The following ACER3 variants were observed in gnomAD, a reference collection of about 807,000 sequenced individuals.
ACER3 encodes alkaline ceramidase 3.
Under a neutral mutation model 48.9 loss-of-function variants are expected in ACER3, and 16 were observed. The observed-to-expected ratio is 0.33, with a 90% confidence interval of 0.22 to 0.50. ACER3 has a LOEUF of 0.50. ACER3 is among the 20% of genes least tolerant of loss of function. The probability of loss-of-function intolerance (pLI) is 0.98; values close to 1 mark genes in which losing one functional copy is unlikely to be tolerated. For missense variants in ACER3, 227 were observed against 326.0 expected (o/e 0.70, Z 2.34); for synonymous variants, 109 against 107.8 (o/e 1.01, Z -0.07).
chr11:77,011,468 G>A, intron 7 of ACER3: 3 of 777,834 alleles, frequency 3.9e-6, no homozygotes, highest in Non-Finnish European at 4.7e-6. Context: ...ACTGCCAGAA[G>A]CCTTCACTGT....
chr11:76,947,000 C>T (rs548634994), intron 2 of ACER3, among the ~76,000 whole-genome samples: 2 of 152,340 alleles, frequency 1.3e-5, no homozygotes, highest in East Asian at 1.9e-4. Context: ...GGCTTTCAGT[C>T]AGTCCCTGGC....
At chr11:76,879,555 A>G (rs572174306) in intron 1 of ACER3, among the ~76,000 whole-genome samples, 23 of 152,320 alleles carry the variant, frequency 1.5e-4, no homozygotes, top group Non-Finnish European at 2.4e-4. Flanking sequence ...ATTATTAGGT[A>G]TAATGTTAGC....
intron 1 of ACER3, among the ~76,000 whole-genome samples, chr11:76,883,130 C>G (rs947478618): frequency 2.0e-5 from 3 of 152,182 alleles, no homozygotes; most frequent in African/African-American, 7.2e-5. Context: ...GTACAGCTCC[C>G]CTTCTTGAAA....
chr11:76,868,491 A>G (rs1456560757), intron 1 of ACER3, among the ~76,000 whole-genome samples: 2 of 148,762 alleles, frequency 1.3e-5, no homozygotes, highest in Non-Finnish European at 3.0e-5. Flanking sequence ...TTTTATTATA[A>G]TGTTGGGGCA....
intron 2 of ACER3, among the ~76,000 whole-genome samples, chr11:76,950,712 C>T (rs1158934954): frequency 1.3e-5 from 2 of 151,912 alleles, no homozygotes; most frequent in East Asian, 1.9e-4. Context: ...AAGCAATCCC[C>T]GTCTTGGCCT....
chr11:76,983,450 C>G (rs7113778), intron 4 of ACER3, among the ~76,000 whole-genome samples: 108,038 of 151,926 alleles, frequency 0.71, 38,809 homozygotes, highest in Non-Finnish European at 0.77. Context: ...CAAGTAGCTG[C>G]GACTACAAGT....
intron 7 of ACER3, among the ~76,000 whole-genome samples, chr11:77,001,784 C>T (rs1199718436): frequency 2.0e-5 from 3 of 152,088 alleles, no homozygotes; most frequent in East Asian, 1.9e-4. Context: ...TTTTTATAGA[C>T]GTTCTTTATT....
chr11:76,968,145 AT>A (rs1948188115), intron 3 of ACER3, among the ~76,000 whole-genome samples: 1 of 151,922 alleles, frequency 6.6e-6, no homozygotes, highest in Non-Finnish European at 1.5e-5. Flanking sequence ...TTATACACCA[AT>A]AACAGACAAA....
intron 7 of ACER3, among the ~76,000 whole-genome samples, chr11:77,005,783 C>A (rs1256556974): frequency 6.6e-6 from 1 of 151,550 alleles, no homozygotes; most frequent in East Asian, 2.0e-4. Context: ...CTAATATAAA[C>A]CCATCTTAAA....
At chr11:77,015,478 C>T (rs1245854395) in intron 8 of ACER3, among the ~76,000 whole-genome samples, 1 of 152,114 alleles carries the variant, frequency 6.6e-6, no homozygotes, top group Admixed American at 6.5e-5. Flanking sequence ...TAAATATACA[C>T]TTTCATATGC....
chr11:76,889,145 A>G (rs1415341392), intron 1 of ACER3, among the ~76,000 whole-genome samples: 1 of 152,088 alleles, frequency 6.6e-6, no homozygotes, highest in Non-Finnish European at 1.5e-5. Context: ...CCAAGGCCTC[A>G]TCTCTCATTC....
chr11:76,974,690 C>T (rs368730435), intron 3 of ACER3, among the ~76,000 whole-genome samples: 2 of 151,852 alleles, frequency 1.3e-5, no homozygotes, highest in East Asian at 1.9e-4. Context: ...AGGAAAGAAA[C>T]GTGAAGAACT....
At chr11:76,971,226 G>T (rs545646207) in intron 3 of ACER3, among the ~76,000 whole-genome samples, 4 of 152,080 alleles carry the variant, frequency 2.6e-5, no homozygotes, top group Non-Finnish European at 4.4e-5. Flanking sequence ...TTCCCCAAAG[G>T]CTCAATGATT....
intron 1 of ACER3, among the ~76,000 whole-genome samples, chr11:76,918,606 T>G (rs1164704133): frequency 1.3e-5 from 2 of 152,118 alleles, no homozygotes; most frequent in African/African-American, 4.8e-5. Flanking sequence ...ATATAGATAT[T>G]AATTCTTAAC....
rs1555024351 is a variant in ACER3, at chr11:77,020,971, T to G, written c.*644T>G. ...CAGTACTTGACCACATCCCAGGATT[T>G]ATGGTGTCTGTCTATGGCCACAGCC... On this transcript the variant is annotated 3_prime_UTR_variant, in exon 11 of 11. Coordinates refer to ENST00000532485, the MANE Select transcript of ACER3 (RefSeq NM_018367.7). 6.6e-6 allele frequency: 1 copy of G among 152,570 alleles called. No homozygotes were observed. The highest frequency in any genetic ancestry group is 1.5e-5 in the Non-Finnish European group (1 of 68,336). 9.5% of individuals were successfully genotyped at this position (152,570 alleles called of 1,614,324 possible). A position where few individuals can be genotyped will look rare whatever the true frequency, so the allele number is the denominator to read the frequency against.
chr11:76,900,389 G>A (rs988152108), intron 1 of ACER3, among the ~76,000 whole-genome samples: 5 of 152,148 alleles, frequency 3.3e-5, no homozygotes, highest in Admixed American at 6.5e-5. Context: ...TAATTTCTGT[G>A]TAACTTTTTT....
chr11:76,915,428 G>A (rs1301393893), intron 1 of ACER3, among the ~76,000 whole-genome samples: 1 of 151,772 alleles, frequency 6.6e-6, no homozygotes, highest in Non-Finnish European at 1.5e-5. Flanking sequence ...TTTTCTGGTG[G>A]AGCGTACCCA....
At chr11:76,885,439 C>G (rs1032106795) in intron 1 of ACER3, among the ~76,000 whole-genome samples, 3 of 152,106 alleles carry the variant, frequency 2.0e-5, no homozygotes, top group Admixed American at 6.6e-5. Context: ...TCCTAATGCT[C>G]TCCCTCCCCT....
chr11:77,013,542 C>A (rs1390788213), intron 7 of ACER3, among the ~76,000 whole-genome samples: 1 of 152,062 alleles, frequency 6.6e-6, no homozygotes, highest in Non-Finnish European at 1.5e-5. Context: ...TACATACCTA[C>A]TAAAACAGCT....
Sources: gnomAD v4.1 joint callset for allele counts (sites outside exome capture counted in the v4.1 genomes callset) on GRCh38, gnomAD v4.1.1 for gene constraint, MANE v1.5 for transcripts, NCBI Gene and HGNC (gene_info 2026-07-23, HGNC 2026-07-21) for gene names.